MTM1: variants seen among roughly 807,000 people sequenced by gnomAD.
The protein encoded by MTM1 is myotubularin.
Under a neutral mutation model 52.1 loss-of-function variants are expected in MTM1, and 9 were observed. The ratio of observed to expected loss-of-function variants is 0.17; its 90% CI spans 0.10 to 0.30. The LOEUF is 0.30. MTM1 is among the 10% of genes least tolerant of loss of function. The pLI is 1.00. For missense variants in MTM1, 277 were observed against 470.7 expected (o/e 0.59, Z 3.81); for synonymous variants, 136 against 163.8 (o/e 0.83, Z 1.29).
intron 4 of MTM1, among the ~76,000 whole-genome samples, chrX:150,609,834 G>A (rs1246359436): frequency 1.8e-5 from 2 of 111,282 alleles, no homozygotes; most frequent in Non-Finnish European, 3.8e-5. Flanking sequence ...TGGTTTTGAG[G>A]AGTGGTTGTA....
At chrX:150,574,229 C>G (rs782448019) in intron 1 of MTM1, among the ~76,000 whole-genome samples, 4 of 111,528 alleles carry the variant, frequency 3.6e-5, no homozygotes, top group African/African-American at 1.3e-4. Flanking sequence ...TATATCAACT[C>G]TAATAATCTC....
chrX:150,600,593 T>G (rs1240090928), intron 4 of MTM1, among the ~76,000 whole-genome samples: 3 of 111,819 alleles, frequency 2.7e-5, no homozygotes, highest in African/African-American at 9.8e-5. Context: ...GGACTGCAGT[T>G]GGAGCAGTGA....
In MTM1 at chrX:150,583,736, T is replaced by C. The variant is rs372810301; in HGVS notation, c.-10-8869T>C. The stretch of plus-strand genomic sequence containing the variant: ...TTATATATATTATATAAATTATATA[T>C]TATATATAAATTAATATATATTAAA... On this transcript the variant is annotated intron_variant, in intron 1 of 14. Transcript: ENST00000370396. Among the ~76,000 whole-genome samples the C allele has an allele frequency of 8.6e-5, 4 of 46,378 alleles. 1 individual carries two copies. Among genetic ancestry groups the C allele is most frequent in the African/African-American group, 3.3e-4 (4 of 11,960 alleles). The allele number at this position is 46,378 out of a possible 115,157, so 40.3% of individuals were successfully genotyped here.
chrX:150,671,535 TC>T lies in MTM1; in HGVS notation c.1757del (p.Pro586GlnfsTer10). 1.7e-6 allele frequency: 2 copies of T among 1,211,001 alleles called. No individual in the cohort carries two copies. Among genetic ancestry groups the T allele is most frequent in the Non-Finnish European group, 2.2e-6 (2 of 895,407 alleles). ...QLANSAKLSD[P>X]PTSPSSPSQM... is the part of the protein sequence containing the mutation. ...TCGCCAACTCTGCCAAGCTTTCTGA[TC>T]CCCCAACTTCACCTTCCAGTCCTTC... On this transcript the variant is annotated frameshift_variant, in exon 15 of 15. Coordinates refer to ENST00000370396, the MANE Select transcript of MTM1 (RefSeq NM_000252.3). LOFTEE classifies it high-confidence loss of function.
chrX:150,665,225 T>C (rs782260717), intron 14 of MTM1, among the ~76,000 whole-genome samples: 148 of 112,314 alleles, frequency 1.3e-3, no homozygotes, highest in Non-Finnish European at 2.4e-3. Context: ...CACACATCTT[T>C]ATCTCCCTAG....
At chrX:150,657,066 G>A (rs2040129065) in intron 10 of MTM1, among the ~76,000 whole-genome samples, 2 of 110,549 alleles carry the variant, frequency 1.8e-5, no homozygotes, top group Non-Finnish European at 3.8e-5. Flanking sequence ...ACAGTGTGGC[G>A]ATTCCTCAGG....
Position 150,614,696 on chromosome X carries a change from T to A in MTM1, c.339T>A (p.Cys113Ter), listed in dbSNP as rs147644722. 1 of 1,060,221 alleles carries A rather than the reference T, an allele frequency of 9.4e-7. No individual in the cohort carries two copies. Among genetic ancestry groups the A allele is most frequent in the Non-Finnish European group, 1.3e-6 (1 of 759,326 alleles). 87.4% of individuals were successfully genotyped at this position (1,060,221 alleles called of 1,213,427 possible). A position where few individuals can be genotyped will look rare whatever the true frequency, so the allele number is the denominator to read the frequency against. Reference protein sequence around the residue: ...GENSYGLDITCKDMRNLRFAL... With the variant: ...GENSYGLDIT ...ATTCCTATGGTCTAGATATTACTTG[T>A]AAAGTAAGAGATTCGATACTTTCTT... Residue 113 changes from cysteine (C) to a stop codon, truncating the protein, a stop_gained, in exon 5 of 15, where the codon TGT (cysteine) becomes TGA (stop). Coordinates refer to ENST00000370396, the MANE Select transcript of MTM1 (RefSeq NM_000252.3). LOFTEE classifies it high-confidence loss of function.
intron 1 of MTM1, among the ~76,000 whole-genome samples, chrX:150,589,102 A>G (rs1402218638): frequency 8.9e-6 from 1 of 111,760 alleles, no homozygotes; most frequent in Non-Finnish European, 1.9e-5. Flanking sequence ...AGTTCTCTTA[A>G]CTATGTTTCT....
chrX:150,582,256 CTTG>C (rs1315534312), intron 1 of MTM1, among the ~76,000 whole-genome samples: 36 of 111,182 alleles, frequency 3.2e-4, no homozygotes, highest in African/African-American at 1.1e-3. Flanking sequence ...GAATGACTGG[CTTG>C]TTGTCATTTC....
intron 1 of MTM1, among the ~76,000 whole-genome samples, chrX:150,572,481 A>T (rs1401430345): frequency 1.8e-5 from 2 of 111,707 alleles, no homozygotes; most frequent in African/African-American, 6.5e-5. Flanking sequence ...TAAAATATGC[A>T]GGTATTTATA....
chrX:150,642,663 G>C (rs1469066428), intron 8 of MTM1, among the ~76,000 whole-genome samples: 1 of 111,800 alleles, frequency 8.9e-6, no homozygotes, highest in Non-Finnish European at 1.9e-5. Context: ...CTGGCTGTCT[G>C]TCTTGCTAAT....
At chrX:150,570,834 C>G (rs1377974669) in intron 1 of MTM1, among the ~76,000 whole-genome samples, 6 of 112,193 alleles carry the variant, frequency 5.3e-5, no homozygotes, top group African/African-American at 1.9e-4. Context: ...AACAAGAGTG[C>G]TCGCTAATAA....
intron 4 of MTM1, among the ~76,000 whole-genome samples, chrX:150,600,481 T>C (rs1557412720): frequency 8.9e-6 from 1 of 111,785 alleles, no homozygotes; most frequent in Non-Finnish European, 1.9e-5. Context: ...AATGTAACAA[T>C]AGCCCCATCT....
chrX:150,612,843 G>A (rs996238647), intron 4 of MTM1, among the ~76,000 whole-genome samples: 13 of 111,468 alleles, frequency 1.2e-4, no homozygotes, highest in African/African-American at 4.2e-4. Flanking sequence ...AATTAGCCAG[G>A]CATGGTGGCA....
At chrX:150,573,831 C>T (rs2038421018) in intron 1 of MTM1, among the ~76,000 whole-genome samples, 1 of 112,155 alleles carries the variant, frequency 8.9e-6, no homozygotes, top group African/African-American at 3.2e-5. Flanking sequence ...AAGAAATGTA[C>T]CTGCCTGCAC....
chrX:150,589,064 C>T (rs909300021), intron 1 of MTM1, among the ~76,000 whole-genome samples: 1 of 111,616 alleles, frequency 9.0e-6, no homozygotes, highest in Non-Finnish European at 1.9e-5. Flanking sequence ...GCTTAGAGGC[C>T]CCAAAGGTTG....
In MTM1 at chrX:150,664,858, C is replaced by T. The variant is rs782026206; in HGVS notation, c.1644+1249C>T. Among the ~76,000 whole-genome samples the T allele has an allele frequency of 6.2e-5, 7 of 112,071 alleles. No homozygotes were observed. In the South Asian group the frequency reaches 2.2e-3, roughly 35 times the overall value. On this transcript the variant is annotated intron_variant, in intron 14 of 14. Transcript: ENST00000370396. Reference sequence around the variant, plus strand: ...TTAAAATATTGGCAATGAGAAAGTACGGACAGTTTTTGTGTAAGTCCTGTA... The same window carrying T: ...TTAAAATATTGGCAATGAGAAAGTATGGACAGTTTTTGTGTAAGTCCTGTA...
chrX:150,652,938 G>A (rs1557414268), intron 10 of MTM1, among the ~76,000 whole-genome samples: 2 of 110,495 alleles, frequency 1.8e-5, no homozygotes, highest in East Asian at 5.7e-4. Context: ...TGGCTCAGAT[G>A]TCTGAGGAAG....
chrX:150,664,455 A>T (rs2040272935), intron 14 of MTM1, among the ~76,000 whole-genome samples: 1 of 112,742 alleles, frequency 8.9e-6, no homozygotes, highest in African/African-American at 3.2e-5. Context: ...AGTTGGCTGC[A>T]TGCCAGTCTG....
Sources: allele counts gnomAD v4.1 joint callset (sites outside exome capture counted in the v4.1 genomes callset), GRCh38; gene constraint gnomAD v4.1.1; transcripts MANE v1.5; gene names NCBI Gene and HGNC (gene_info 2026-07-23, HGNC 2026-07-21).